Variants in XPNPEP2 observed in about 807,000 individuals in gnomAD.
XPNPEP2 encodes xaa-Pro aminopeptidase 2.
XPNPEP2 carries 64 observed loss-of-function variants against 59.8 expected under a neutral mutation model. That is an observed-to-expected ratio of 1.07 (90% confidence interval 0.87 to 1.32). The LOEUF is 1.32. Among genes scored for constraint, XPNPEP2 ranks in the 40% most tolerant of loss-of-function variants. XPNPEP2 has a pLI of 0.00. For missense variants in XPNPEP2, 575 were observed against 546.8 expected (o/e 1.05, Z -0.51); for synonymous variants, 235 against 210.0 (o/e 1.12, Z -1.03).
intron 14 of XPNPEP2, among the ~76,000 whole-genome samples, chrX:129,758,081 C>T (rs745673959): frequency 1.8e-5 from 2 of 110,916 alleles, no homozygotes; most frequent in African/African-American, 6.6e-5. Flanking sequence ...GTGTGGGAAG[C>T]GTGGGGTGGG....
chrX:129,754,586 A>G lies in XPNPEP2; in HGVS notation c.1217+5A>G, dbSNP rs759507729. ...GATCGTGGACAAGTTCCGAGGGTGA[A>G]GAGCCACGGCCGTCCTTTTTGGCTG... On this transcript the variant is annotated splice_donor_5th_base_variant and intron_variant, in intron 12 of 20. Coordinates refer to ENST00000371106, the MANE Select transcript of XPNPEP2 (RefSeq NM_003399.6). 1.1e-5 allele frequency: 13 copies of G among 1,172,157 alleles called. No individual in the cohort carries two copies. The highest frequency in any genetic ancestry group is 2.5e-5 in the Admixed American group (1 of 39,869).
chrX:129,742,228 C>T (rs1378721977), intron 2 of XPNPEP2, 47 bp downstream of exon 2: 5 of 677,563 alleles, frequency 7.4e-6, no homozygotes, highest in Admixed American at 6.6e-5. Context: ...GCCCCACGCA[C>T]CCCCCCACCC....
At position 129,756,086 on chromosome X, in the gene XPNPEP2, G is replaced by A. The variant is rs575517539; in HGVS notation, c.1296-398G>A. ...AGCAGGAAGTTAGAGACAAAGGGCC[G>A]GAGGGAGCATCTGGGTAGAGGCCCA... On this transcript the variant is annotated intron_variant, in intron 13 of 20. Coordinates refer to ENST00000371106, the MANE Select transcript of XPNPEP2 (RefSeq NM_003399.6). Among the ~76,000 whole-genome samples the A allele has an allele frequency of 1.2e-4, 14 of 112,551 alleles. No homozygotes were observed. In the South Asian group the frequency reaches 2.2e-3, roughly 18 times the overall value.
chrX:129,766,505 C>T (rs897424940), intron 19 of XPNPEP2, among the ~76,000 whole-genome samples: 1 of 110,783 alleles, frequency 9.0e-6, no homozygotes, highest in Non-Finnish European at 1.9e-5. Context: ...TCCATTGCAC[C>T]TGGCCTCTTT....
Position 129,755,293 on chromosome X carries a change from G to C in XPNPEP2, c.1218-1G>C. 8.3e-7 allele frequency: 1 copy of C among 1,211,509 alleles called. No individual in the cohort carries two copies. The highest frequency in any genetic ancestry group is 3.0e-5 in the East Asian group (1 of 33,853). On this transcript the variant is annotated splice_acceptor_variant, in intron 12 of 20. Transcript: ENST00000371106. LOFTEE classifies it high-confidence loss of function. ...ACCATGCCTTGCCTTGTACTTTCCA[G>C]AGAAGAACAGTTCTCCTCCGGACCC...
At chrX:129,739,324 G>C in intron 1 of XPNPEP2, 62 bp downstream of exon 1, 1 of 1,125,700 alleles carries the variant, frequency 8.9e-7, no homozygotes, top group Non-Finnish European at 1.2e-6. Flanking sequence ...AGCTCAGAAA[G>C]GGTTGGAGTG....
intron 18 of XPNPEP2, 142 bp downstream of exon 18, chrX:129,762,207 T>C (rs1926669471): frequency 4.9e-6 from 3 of 615,230 alleles, no homozygotes; most frequent in South Asian, 2.6e-5. Flanking sequence ...TTCCCACCGC[T>C]ACGCCCAGCC....
chrX:129,768,650 C>G lies in XPNPEP2; in HGVS notation c.*165C>G, dbSNP rs1926798627. The G allele has an allele frequency of 4.7e-6, 2 of 424,550 alleles. No homozygotes were observed. The highest frequency in any genetic ancestry group is 7.2e-6 in the Non-Finnish European group (2 of 276,719). The allele number at this position is 424,550 out of a possible 1,213,427, so 35.0% of individuals were successfully genotyped here. A position where few individuals can be genotyped will look rare whatever the true frequency, so the allele number is the denominator to read the frequency against. On this transcript the variant is annotated 3_prime_UTR_variant, in exon 21 of 21. Coordinates refer to ENST00000371106, the MANE Select transcript of XPNPEP2 (RefSeq NM_003399.6). The stretch of plus-strand genomic sequence containing the variant: ...AGACCTATGGAGAAGGTCCCAGGCC[C>G]CAGGAACACAGGGCTTCTTGGCCCC...
chrX:129,757,949 AAGAAAGAAAG>A (rs1569477289), intron 14 of XPNPEP2, among the ~76,000 whole-genome samples: 2 of 96,636 alleles, frequency 2.1e-5, no homozygotes. Context: ...GAAAGAAAGA[AAGAAAGAAAG>A]AAAAAGAATA....
chrX:129,755,800 C>G (rs1401001680), intron 13 of XPNPEP2, among the ~76,000 whole-genome samples: 1 of 112,852 alleles, frequency 8.9e-6, no homozygotes, highest in African/African-American at 3.2e-5. Context: ...GACCAGCTGC[C>G]TCCGCCTGGC....
chrX:129,763,221 A>G (rs1032732042), intron 19 of XPNPEP2, among the ~76,000 whole-genome samples: 5 of 112,994 alleles, frequency 4.4e-5, no homozygotes, highest in Non-Finnish European at 9.4e-5. Flanking sequence ...AGAAGCCTCA[A>G]TATTATGAAG....
chrX:129,743,978 G>A lies in XPNPEP2; in HGVS notation c.141G>A (p.Val47=). 8.3e-7 allele frequency: 1 copy of A among 1,211,061 alleles called. No homozygotes were observed. The highest frequency in any genetic ancestry group is 1.1e-6 in the Non-Finnish European group (1 of 894,881). Residue 47 remains valine, a synonymous_variant, in exon 3 of 21, where the codon GTG becomes GTA. Transcript: ENST00000371106. ...TCTGTCAGTACCTTCCAGTTACTGT[G>A]GTCAATACCACAATGTCACTCACAG... The part of the protein sequence containing the change: ...STNPPYLPVT[V]VNTTMSLTAL...
At chrX:129,762,195 C>A in intron 18 of XPNPEP2, 130 bp downstream of exon 18, 2 of 673,922 alleles carry the variant, frequency 3.0e-6, no homozygotes, top group Non-Finnish European at 4.6e-6. Context: ...CTCACCTCCC[C>A]ATTCCCACCG....
rs748330781 is a variant in XPNPEP2, at chrX:129,768,417, C to G, written c.1957C>G (p.Pro653Ala). 6.6e-6 allele frequency: 8 copies of G among 1,205,939 alleles called. No individual in the cohort carries two copies. In the South Asian group the frequency reaches 1.2e-4, roughly 19 times the overall value. The change falls in exon 21 of 21, where the codon CCA (proline) becomes GCA (alanine). Residue 653 changes from proline to alanine, a missense_variant. Transcript: ENST00000371106. ...CACAGAGCCCCTGGCCGCCAGGGCC[C>G]CAGACACCGCCTCCTGGGCCTCTGT... ...QHTEPLAARA[P>A]DTASWASVLV...
chrX:129,742,250 AC>A, intron 2 of XPNPEP2, 69 bp downstream of exon 2: 1 of 466,499 alleles, frequency 2.1e-6, no homozygotes, highest in Non-Finnish European at 3.2e-6. Context: ...TGCCCCACGC[AC>A]CCCTGCACCG....
chrX:129,744,092 C>G, intron 3 of XPNPEP2, 21 bp downstream of exon 3: 4 of 1,175,278 alleles, frequency 3.4e-6, no homozygotes, highest in Non-Finnish European at 4.6e-6. Context: ...GCTTCTCTCC[C>G]CCTTGCCCTC....
At chrX:129,757,895 GAAAGAAAGAAAGAAAGAAAGAAAGAA>G (rs1926578171) in intron 14 of XPNPEP2, among the ~76,000 whole-genome samples, 9 of 13,778 alleles carry the variant, frequency 6.5e-4, no homozygotes, top group Middle Eastern at 0.042. Flanking sequence ...GAGAGAGAGA[GAAAGAAAGAAAGAAAGAAAGAAAGAA>G]AGAAAGAAAG....
intron 1 of XPNPEP2, 142 bp from the exon 2 acceptor site, chrX:129,741,966 A>G: frequency 2.0e-6 from 1 of 488,987 alleles, no homozygotes; most frequent in East Asian, 3.6e-5. Flanking sequence ...AAATGTGATT[A>G]TTTTTATCCT....
chrX:129,757,903 GAAAGAA>G, intron 14 of XPNPEP2, among the ~76,000 whole-genome samples: 1 of 28,524 alleles, frequency 3.5e-5, no homozygotes, highest in African/African-American at 1.1e-4. Flanking sequence ...GAGAAAGAAA[GAAAGAA>G]AGAAAGAAAG....
Sources: allele counts gnomAD v4.1 joint callset (sites outside exome capture counted in the v4.1 genomes callset), GRCh38; gene constraint gnomAD v4.1.1; transcripts MANE v1.5; gene names NCBI Gene and HGNC (gene_info 2026-07-23, HGNC 2026-07-21).